The following DOCK7 variants were observed in gnomAD, a reference collection of about 807,000 sequenced individuals.
The protein encoded by DOCK7 is dedicator of cytokinesis protein 7.
A neutral mutation model predicts 271.0 loss-of-function variants in DOCK7; 138 were observed. The ratio of observed to expected loss-of-function variants is 0.51; its 90% CI spans 0.44 to 0.59. The LOEUF is 0.59. DOCK7 is among the 20% of genes least tolerant of loss of function. The probability of loss-of-function intolerance (pLI) is 0.00; values close to 1 mark genes in which losing one functional copy is unlikely to be tolerated. For synonymous variants in DOCK7, 823 were observed against 876.1 expected (o/e 0.94, Z 1.07); for missense variants, 2,066 against 2,592.4 (o/e 0.80, Z 4.41).
chr1:62,629,761 G>A (rs1250180727), intron 11 of DOCK7: 2 of 152,136 alleles, frequency 1.3e-5, no homozygotes, highest in Admixed American at 6.6e-5. Context: ...TAAGCAACAC[G>A]TTGTATAACA....
intron 1 of DOCK7, among the ~76,000 whole-genome samples, chr1:62,667,428 G>C (rs1659441289): frequency 6.6e-6 from 1 of 152,226 alleles, no homozygotes; most frequent in African/African-American, 2.4e-5. Flanking sequence ...AAAAGGAAGA[G>C]AGCAGCTGAC....
Position 62,636,631 on chromosome 1 carries a change from T to A in DOCK7, c.819-28A>T, listed in dbSNP as rs201528245. The A allele has an allele frequency of 2.6e-6, 4 of 1,530,828 alleles. No homozygotes were observed. The East Asian group carries it at 9.1e-5, about 35-fold the overall frequency. 94.8% of individuals were successfully genotyped at this position (1,530,828 alleles called of 1,614,324 possible). ...TTATGAAGAAAAAGGATAAAATAATTTAAAGATAAACATGAAATACACAGT... is the reference window on the plus strand; with the variant it reads ...TTATGAAGAAAAAGGATAAAATAATATAAAGATAAACATGAAATACACAGT... On this transcript the variant is annotated intron_variant, in intron 7 of 49. Transcript: ENST00000635253.
intron 7 of DOCK7, among the ~76,000 whole-genome samples, chr1:62,637,665 C>T (rs1655448051): frequency 6.6e-6 from 1 of 152,120 alleles, no homozygotes; most frequent in Non-Finnish European, 1.5e-5. Context: ...AACATATTTA[C>T]ATTAGGGTGA....
At chr1:62,597,875 A>G in intron 14 of DOCK7, 3 of 1,585,196 alleles carry the variant, frequency 1.9e-6, no homozygotes, top group Non-Finnish European at 2.6e-6. Flanking sequence ...GAAGAACTAC[A>G]TATAAACTAC....
chr1:62,477,187 A>G (rs892499954), intron 44 of DOCK7: 2 of 152,276 alleles, frequency 1.3e-5, no homozygotes, highest in African/African-American at 4.8e-5. Context: ...TAGTTAGCCC[A>G]GTAAATATAA....
chr1:62,564,448 T>G (rs886697631), intron 18 of DOCK7, among the ~76,000 whole-genome samples: 5 of 152,176 alleles, frequency 3.3e-5, no homozygotes, highest in Non-Finnish European at 7.3e-5. Flanking sequence ...TGCTCCTGAA[T>G]GACTACTGGG....
intron 27 of DOCK7, among the ~76,000 whole-genome samples, chr1:62,538,936 G>T (rs1392329427): frequency 6.6e-6 from 1 of 152,106 alleles, no homozygotes; most frequent in South Asian, 2.1e-4. Context: ...GGCTTATACA[G>T]TTTACTACCA....
Position 62,557,938 on chromosome 1 carries a change from C to T in DOCK7, c.2431+1051G>A, listed in dbSNP as rs1408037730. Among the ~76,000 whole-genome samples, 3 of 151,908 alleles carry T rather than the reference C, an allele frequency of 2.0e-5. No individual in the cohort carries two copies. The East Asian group carries it at 5.8e-4, about 29-fold the overall frequency. On this transcript the variant is annotated intron_variant, in intron 20 of 49. Transcript: ENST00000635253. ...TTCTGCAAGACTCCTAATTTGTCTCCCTGCCTGTAGGTTTTCCCACTTTTA... is the reference window on the plus strand; with the variant it reads ...TTCTGCAAGACTCCTAATTTGTCTCTCTGCCTGTAGGTTTTCCCACTTTTA...
chr1:62,654,523 C>A (rs534443997), intron 2 of DOCK7, among the ~76,000 whole-genome samples: 1 of 152,056 alleles, frequency 6.6e-6, no homozygotes, highest in South Asian at 2.1e-4. Context: ...TAAGTTGCTA[C>A]GTTTCTAAAC....
intron 41 of DOCK7, among the ~76,000 whole-genome samples, chr1:62,491,055 A>G (rs891001806): frequency 2.6e-5 from 4 of 152,224 alleles, no homozygotes; most frequent in African/African-American, 9.6e-5. Context: ...TTCTAAAAAC[A>G]TTCCTATGAG....
At chr1:62,499,273 C>A (rs939268027) in intron 37 of DOCK7, among the ~76,000 whole-genome samples, 3 of 151,892 alleles carry the variant, frequency 2.0e-5, no homozygotes, top group African/African-American at 7.2e-5. Flanking sequence ...TAACCATATT[C>A]TTCTATTCTG....
chr1:62,617,851 G>A (rs1489252238), intron 14 of DOCK7, among the ~76,000 whole-genome samples: 1 of 151,926 alleles, frequency 6.6e-6, no homozygotes, highest in African/African-American at 2.4e-5. Context: ...GAAGTAGTAA[G>A]AAGTACAGAT....
intron 48 of DOCK7, among the ~76,000 whole-genome samples, chr1:62,461,299 TAA>T (rs1315005924): frequency 6.6e-5 from 10 of 152,172 alleles, no homozygotes; most frequent in South Asian, 2.1e-4. Context: ...TTAGAATTAA[TAA>T]GTCTATTAAG....
chr1:62,622,287 C>A (rs1411619220), intron 12 of DOCK7, among the ~76,000 whole-genome samples: 7 of 152,300 alleles, frequency 4.6e-5, no homozygotes, highest in Middle Eastern at 3.4e-3. Context: ...AGTAGTCTAG[C>A]TGATACCCTT....
intron 1 of DOCK7, among the ~76,000 whole-genome samples, chr1:62,672,958 A>G (rs890726910): frequency 4.6e-5 from 7 of 152,154 alleles, no homozygotes; most frequent in Non-Finnish European, 8.8e-5. Context: ...TCTGGTGTAT[A>G]TACTAACATA....
rs1204909491 is a variant in DOCK7, at chr1:62,653,781, T to C, written c.333A>G (p.Pro111=). The C allele has an allele frequency of 6.3e-7, 1 of 1,595,114 alleles. No homozygotes were observed. The highest frequency in any genetic ancestry group is 1.7e-5 in the Admixed American group (1 of 59,646). ...SAVPEESEMD[P]HVRDCIRSYT... is the part of the protein sequence containing the mutation. Reference sequence around the variant, plus strand: ...AACTTCTTATACAGTCTCTAACATGTGGATCCATTTCACTATTTTAAAAAG... The same window carrying C: ...AACTTCTTATACAGTCTCTAACATGCGGATCCATTTCACTATTTTAAAAAG... Residue 111 remains proline (P), a synonymous_variant, in exon 4 of 50, where the codon CCA becomes CCG. Transcript: ENST00000635253.
intron 12 of DOCK7, among the ~76,000 whole-genome samples, chr1:62,624,861 C>T (rs1653740662): frequency 6.6e-6 from 1 of 152,040 alleles, no homozygotes; most frequent in South Asian, 2.1e-4. Flanking sequence ...ATCCCAGCTA[C>T]TCAGGAGGCT....
intron 16 of DOCK7, among the ~76,000 whole-genome samples, 189 bp downstream of exon 16, chr1:62,582,995 G>A (rs951510200): frequency 1.3e-5 from 2 of 152,230 alleles, no homozygotes; most frequent in African/African-American, 4.8e-5. Flanking sequence ...GATGTTTGGT[G>A]TACAAAGTCA....
intron 14 of DOCK7, chr1:62,597,723 T>C (rs759491919): frequency 6.2e-7 from 1 of 1,613,604 alleles, no homozygotes; most frequent in Non-Finnish European, 8.5e-7. Flanking sequence ...CCTCCTTCAG[T>C]TGGGACATGG....
Sources: gnomAD v4.1 joint callset for allele counts (sites outside exome capture counted in the v4.1 genomes callset) on GRCh38, gnomAD v4.1.1 for gene constraint, MANE v1.5 for transcripts, NCBI Gene and HGNC (gene_info 2026-07-23, HGNC 2026-07-21) for gene names.